Variants in TIMP3 observed in about 807,000 individuals in gnomAD.
TIMP3 encodes TIMP metallopeptidase inhibitor 3, also known as metalloproteinase inhibitor 3.
TIMP3 carries 11 observed loss-of-function variants against 30.0 expected under a neutral mutation model. The observed-to-expected ratio is 0.37, with a 90% confidence interval of 0.23 to 0.61. The LOEUF is 0.61. TIMP3 is among the 20% of genes least tolerant of loss of function. TIMP3 has a pLI of 0.70. For missense variants in TIMP3, 181 were observed against 276.8 expected, an observed-to-expected ratio of 0.65 and a Z score of 2.45; for synonymous variants, 112 against 111.3, an observed-to-expected ratio of 1.01 and a Z score of -0.04.
chr22:32,832,440 A>G (rs563571356), intron 1 of TIMP3, among the ~76,000 whole-genome samples: 1 of 152,324 alleles, frequency 6.6e-6, no homozygotes, highest in Non-Finnish European at 1.5e-5. Flanking sequence ...TGTCAAACTC[A>G]CATAGAAAAT....
At chr22:32,851,212 G>A (rs2048208595) in intron 2 of TIMP3, among the ~76,000 whole-genome samples, 1 of 152,152 alleles carries the variant, frequency 6.6e-6, no homozygotes, top group South Asian at 2.1e-4. Flanking sequence ...CCAAAGCAGA[G>A]GTTCAGAAAA....
At chr22:32,803,822 G>T (rs1055436752) in intron 1 of TIMP3, among the ~76,000 whole-genome samples, 1 of 152,194 alleles carries the variant, frequency 6.6e-6, no homozygotes, top group African/African-American at 2.4e-5. Context: ...CTGGAAAATG[G>T]GCTGGGTGAC....
At position 32,860,864 on chromosome 22, in the gene TIMP3, G is replaced by A. The variant is rs970630297; in HGVS notation, c.*1487G>A. 7.3e-5 allele frequency: 11 copies of A among 151,038 alleles called. No homozygotes were observed. The highest frequency in any genetic ancestry group is 2.4e-4 in the African/African-American group (10 of 41,140). The allele number at this position is 151,038 out of a possible 1,614,324, so 9.4% of individuals were successfully genotyped here. A position where few individuals can be genotyped will look rare whatever the true frequency, so the allele number is the denominator to read the frequency against. On this transcript the variant is annotated 3_prime_UTR_variant, in exon 5 of 5. Transcript: ENST00000266085. ...TCACCTCTTGGAATTAAAATTGTTGGTCACTGGGGAAAGCCTGAGTTTGCA... is the reference window on the plus strand; with the variant it reads ...TCACCTCTTGGAATTAAAATTGTTGATCACTGGGGAAAGCCTGAGTTTGCA...
intron 2 of TIMP3, 38 bp from the exon 3 acceptor site, chr22:32,857,211 T>A: frequency 1.3e-6 from 2 of 1,535,728 alleles, no homozygotes; most frequent in Non-Finnish European, 1.8e-6. Context: ...GTGTCCAAAC[T>A]GGGAAAGAAG....
At chr22:32,805,478 T>G (rs2046705035) in intron 1 of TIMP3, among the ~76,000 whole-genome samples, 1 of 152,108 alleles carries the variant, frequency 6.6e-6, no homozygotes, top group Non-Finnish European at 1.5e-5. Context: ...CGCCAGCACT[T>G]GGTAGGGCAA....
intron 1 of TIMP3, among the ~76,000 whole-genome samples, chr22:32,844,501 T>G (rs1039203345): frequency 6.6e-6 from 1 of 152,212 alleles, no homozygotes; most frequent in African/African-American, 2.4e-5. Flanking sequence ...CAAACAAATA[T>G]TCAAAGGAAG....
chr22:32,852,799 C>T (rs1230642631), intron 2 of TIMP3, among the ~76,000 whole-genome samples: 2 of 152,158 alleles, frequency 1.3e-5, no homozygotes, highest in African/African-American at 4.8e-5. Flanking sequence ...CAATCCCAAA[C>T]TTGGAAATTA....
At chr22:32,815,154 C>G (rs1272944643) in intron 1 of TIMP3, among the ~76,000 whole-genome samples, 1 of 152,244 alleles carries the variant, frequency 6.6e-6, no homozygotes, top group African/African-American at 2.4e-5. Context: ...GCATCTTCCC[C>G]TCCCCATTTC....
Position 32,862,623 on chromosome 22 carries a change from G to A in TIMP3, c.*3246G>A, listed in dbSNP as rs578137750. On this transcript the variant is annotated 3_prime_UTR_variant, in exon 5 of 5. Transcript: ENST00000266085. Reference sequence around the variant, plus strand: ...ATGTCACTAGAGTATTTTTATGAGAGACAAACATTATAAAAATCTGATGGC... The same window carrying A: ...ATGTCACTAGAGTATTTTTATGAGAAACAAACATTATAAAAATCTGATGGC... 1.8e-4 allele frequency: 27 copies of A among 152,268 alleles called. 1 individual carries two copies. Among genetic ancestry groups the A allele is most frequent in the African/African-American group, 6.5e-4 (27 of 41,566 alleles). 9.4% of individuals were successfully genotyped at this position (152,268 alleles called of 1,614,324 possible).
intron 1 of TIMP3, among the ~76,000 whole-genome samples, chr22:32,828,275 G>A (rs1397054428): frequency 6.6e-6 from 1 of 152,210 alleles, no homozygotes; most frequent in African/African-American, 2.4e-5. Context: ...TCAAGTGGGG[G>A]AAACTCAAGA....
intron 1 of TIMP3, among the ~76,000 whole-genome samples, chr22:32,835,607 A>G (rs893196831): frequency 1.2e-4 from 18 of 152,176 alleles, no homozygotes; most frequent in Admixed American, 6.5e-5. Context: ...AAAGGCCCCA[A>G]GGCTTTGCAA....
Position 32,859,472 on chromosome 22 carries a change from T to C in TIMP3, c.*95T>C. 5 of 1,435,862 alleles carry C rather than the reference T, an allele frequency of 3.5e-6. No individual in the cohort carries two copies. The highest frequency in any genetic ancestry group is 1.3e-5 in the South Asian group (1 of 77,286). 88.9% of individuals were successfully genotyped at this position (1,435,862 alleles called of 1,614,324 possible). On this transcript the variant is annotated 3_prime_UTR_variant, in exon 5 of 5. Transcript: ENST00000266085. ...AGATGATGACAATGAAATTAGTGCC[T>C]GTTTTCTTGCAAATTTAGCACTTGG...
intron 1 of TIMP3, among the ~76,000 whole-genome samples, chr22:32,813,176 G>T (rs550468838): frequency 1.3e-5 from 2 of 152,138 alleles, no homozygotes; most frequent in East Asian, 1.9e-4. Context: ...TATGTTTATG[G>T]TTCCCCATTC....
chr22:32,843,772 C>A (rs1168570556), intron 1 of TIMP3, among the ~76,000 whole-genome samples: 1 of 152,134 alleles, frequency 6.6e-6, no homozygotes, highest in Non-Finnish European at 1.5e-5. Context: ...CAGCCCCTTC[C>A]CTGGGACTGA....
At position 32,815,064 on chromosome 22, in the gene TIMP3, G is replaced by A. The variant is rs117055529; in HGVS notation, c.121+12942G>A. 2.9e-3 allele frequency among the ~76,000 whole-genome samples: 437 copies of A among 152,332 alleles called. 9 individuals carry two copies. The highest frequency in any genetic ancestry group is 0.023 in the East Asian group (118 of 5,192). On this transcript the variant is annotated intron_variant, in intron 1 of 4. Coordinates refer to ENST00000266085, the MANE Select transcript of TIMP3 (RefSeq NM_000362.5). ...TCATAGCATATCTCAGTTTGGACTA[G>A]TTGCGTTTCAGCTACCTGTGGTTAG...
chr22:32,857,343 AC>A lies in TIMP3; in HGVS notation c.301del (p.Gln101SerfsTer4). On this transcript the variant is annotated frameshift_variant, in exon 3 of 5. Transcript: ENST00000266085. LOFTEE classifies it high-confidence loss of function. ...LCGLKLEVNK[Y>X]QYLLTGRVYD... ...GGCCTTAAGCTGGAGGTCAACAAGTACCAGTACCTGCTGACAGGTAATGGCC... is the reference window on the plus strand; with the variant it reads ...GGCCTTAAGCTGGAGGTCAACAAGTACAGTACCTGCTGACAGGTAATGGCC... The A allele has an allele frequency of 6.2e-7, 1 of 1,614,014 alleles. No homozygotes were observed. The highest frequency in any genetic ancestry group is 1.3e-5 in the African/African-American group (1 of 75,056).
At chr22:32,826,255 T>G (rs1258800615) in intron 1 of TIMP3, among the ~76,000 whole-genome samples, 3 of 151,932 alleles carry the variant, frequency 2.0e-5, no homozygotes, top group Non-Finnish European at 2.9e-5. Flanking sequence ...ATGGTGAAAC[T>G]CCATCTCTAC....
At chr22:32,826,553 G>T (rs2047419304) in intron 1 of TIMP3, among the ~76,000 whole-genome samples, 1 of 152,202 alleles carries the variant, frequency 6.6e-6, no homozygotes, top group Non-Finnish European at 1.5e-5. Flanking sequence ...GGAAATTTCA[G>T]TATCTGCATT....
chr22:32,814,227 GAAA>G (rs1246463192), intron 1 of TIMP3, among the ~76,000 whole-genome samples: 1 of 122,990 alleles, frequency 8.1e-6, no homozygotes, highest in Non-Finnish European at 1.7e-5. Context: ...AGGAAAGAAA[GAAA>G]AAAAAAGAAA....
Sources: gnomAD v4.1 joint callset for allele counts (sites outside exome capture counted in the v4.1 genomes callset) on GRCh38, gnomAD v4.1.1 for gene constraint, MANE v1.5 for transcripts, NCBI Gene and HGNC (gene_info 2026-07-23, HGNC 2026-07-21) for gene names.